The following SYNE1 variants were observed in gnomAD, a reference collection of about 807,000 sequenced individuals.
SYNE1 encodes the protein nesprin-1.
In SYNE1, 616 loss-of-function variants were observed where a neutral mutation model predicts 1,111.0. The observed-to-expected ratio is 0.55, with a 90% CI of 0.52 to 0.59. The LOEUF (loss-of-function observed/expected upper bound fraction) is 0.59, where lower values mean the gene tolerates loss of function less well. SYNE1 is among the 20% of genes least tolerant of loss of function. The pLI is 0.00. For synonymous variants in SYNE1, 3,855 were observed against 3,825.8 expected, an observed-to-expected ratio of 1.01 and a Z score of -0.28; for missense variants, 10,006 against 10,417.0, an observed-to-expected ratio of 0.96 and a Z score of 1.72.
At chr6:152,328,038 T>C (rs1322173075) in intron 78 of SYNE1, among the ~76,000 whole-genome samples, 1 of 152,170 alleles carries the variant, frequency 6.6e-6, no homozygotes, top group African/African-American at 2.4e-5. Flanking sequence ...CTGCAGAAAA[T>C]ATAGTTAAAT....
chr6:152,269,433 T>C (rs1381052547), intron 98 of SYNE1, 147 bp from the exon 99 acceptor site: 1 of 1,163,284 alleles, frequency 8.6e-7, no homozygotes, highest in African/African-American at 1.5e-5. Context: ...AAAAAAACAG[T>C]AACACAAAAC....
At chr6:152,166,076 A>C (rs573797326) in intron 130 of SYNE1, among the ~76,000 whole-genome samples, 54 of 152,188 alleles carry the variant, frequency 3.5e-4, no homozygotes, top group Non-Finnish European at 5.1e-4. Context: ...GTAGGATCTG[A>C]ACACTTACTA....
intron 58 of SYNE1, chr6:152,375,976 G>C (rs1354398420): frequency 1.1e-5 from 2 of 177,472 alleles, no homozygotes; most frequent in Non-Finnish European, 2.4e-5. Flanking sequence ...CTAGAGAAGC[G>C]GTCCCCAACC....
At chr6:152,373,011 G>A (rs761481963) in intron 59 of SYNE1, 26 bp downstream of exon 59, 13 of 1,603,144 alleles carry the variant, frequency 8.1e-6, no homozygotes, top group Non-Finnish European at 5.1e-6. Flanking sequence ...AACACAGAAT[G>A]CTTCCATGTG....
intron 130 of SYNE1, among the ~76,000 whole-genome samples, chr6:152,169,996 C>T (rs1042926268): frequency 6.6e-6 from 1 of 152,012 alleles, no homozygotes; most frequent in Non-Finnish European, 1.5e-5. Flanking sequence ...GAATCTACCA[C>T]TATAGGCAAC....
intron 4 of SYNE1, among the ~76,000 whole-genome samples, chr6:152,539,638 C>T (rs1054627928): frequency 3.3e-5 from 5 of 152,144 alleles, no homozygotes; most frequent in African/African-American, 1.2e-4. Flanking sequence ...CAAACACACA[C>T]AAACAAAAAT....
At chr6:152,423,039 T>C (rs561518751) in intron 39 of SYNE1, among the ~76,000 whole-genome samples, 2 of 152,338 alleles carry the variant, frequency 1.3e-5, no homozygotes, top group African/African-American at 2.4e-5. Flanking sequence ...CAGCTAGCCC[T>C]GCCTTTGTCC....
At chr6:152,259,123 C>T (rs2091499167) in intron 101 of SYNE1, among the ~76,000 whole-genome samples, 1 of 152,126 alleles carries the variant, frequency 6.6e-6, no homozygotes, top group Non-Finnish European at 1.5e-5. Flanking sequence ...ATGCCAAGCC[C>T]ATTCCCCATT....
Position 152,395,633 on chromosome 6 carries a change from T to C in SYNE1, c.7595A>G (p.His2532Arg). 5 of 1,614,190 alleles carry C rather than the reference T, an allele frequency of 3.1e-6. No individual in the cohort carries two copies. Among genetic ancestry groups the C allele is most frequent in the Non-Finnish European group, 4.2e-6 (5 of 1,180,024 alleles). Residue 2532 changes from histidine to arginine, a missense_variant, in exon 51 of 146, where the codon CAT becomes CGT. This residue lies in a region of SYNE1 where 4,955 missense variants were observed against 5,017.2 expected (regional missense o/e 0.99). Coordinates refer to ENST00000367255, the MANE Select transcript of SYNE1 (RefSeq NM_182961.4). ...CGTATTGAACCTTTCTTCCATTTCA[T>C]GGATCCATAAGTTCAGTTTTCTGTG... Reference protein sequence around the residue: ...DQHRKLNLWIHEMEERFNTEN... With the variant: ...DQHRKLNLWIREMEERFNTEN...
chr6:152,183,771 G>C (rs1287743225), intron 128 of SYNE1, among the ~76,000 whole-genome samples: 1 of 152,100 alleles, frequency 6.6e-6, no homozygotes, highest in East Asian at 1.9e-4. Context: ...ACTTTCATAG[G>C]TAAGTATTAT....
At chr6:152,353,849 G>A (rs2096785983) in intron 67 of SYNE1, 105 bp from the exon 68 acceptor site, 2 of 1,435,202 alleles carry the variant, frequency 1.4e-6, no homozygotes, top group African/African-American at 1.4e-5. Flanking sequence ...TTTAGAAGAT[G>A]TTTATTTTGA....
At position 152,624,287 on chromosome 6, in the gene SYNE1, A is replaced by T. The variant is rs552239528; in HGVS notation, c.67+3978T>A. Reference sequence around the variant, plus strand: ...TTGCGTTGATGTCACCCCATCCTACAATAACCAACACTGATATGTTCATTT... The same window carrying T: ...TTGCGTTGATGTCACCCCATCCTACTATAACCAACACTGATATGTTCATTT... On this transcript the variant is annotated intron_variant, in intron 3 of 145. Transcript: ENST00000367255. 2.5e-4 allele frequency among the ~76,000 whole-genome samples: 38 copies of T among 152,300 alleles called. No individual in the cohort carries two copies. The South Asian group carries it at 7.2e-3, about 29-fold the overall frequency.
At chr6:152,568,340 T>C (rs991403990) in intron 3 of SYNE1, among the ~76,000 whole-genome samples, 2 of 130,290 alleles carry the variant, frequency 1.5e-5, no homozygotes, top group Non-Finnish European at 3.1e-5. Context: ...GCTCTTTTGC[T>C]CAAGCTGGCT....
chr6:152,216,027 C>T (rs757162382), intron 121 of SYNE1, among the ~76,000 whole-genome samples: 5 of 152,254 alleles, frequency 3.3e-5, no homozygotes, highest in Non-Finnish European at 5.9e-5. Flanking sequence ...ACAATGTTGT[C>T]GGTTCTGATT....
At chr6:152,236,555 G>T (rs937236367) in intron 109 of SYNE1, among the ~76,000 whole-genome samples, 3 of 151,382 alleles carry the variant, frequency 2.0e-5, no homozygotes, top group African/African-American at 7.3e-5. Context: ...ATTATTTCAA[G>T]AATTGTGTGG....
chr6:152,280,805 G>T (rs1205023218), intron 97 of SYNE1, among the ~76,000 whole-genome samples: 1 of 152,112 alleles, frequency 6.6e-6, no homozygotes, highest in Admixed American at 6.6e-5. Context: ...CTTGCATATG[G>T]CTAATTAATC....
At chr6:152,258,115 G>A (rs1410773240) in intron 101 of SYNE1, among the ~76,000 whole-genome samples, 1 of 152,118 alleles carries the variant, frequency 6.6e-6, no homozygotes, top group East Asian at 1.9e-4. Context: ...GAGAAAAATA[G>A]ATATAAATAC....
At chr6:152,626,866 C>T (rs189363620) in intron 3 of SYNE1, among the ~76,000 whole-genome samples, 14 of 152,274 alleles carry the variant, frequency 9.2e-5, no homozygotes, top group East Asian at 1.9e-4. Context: ...GTCATGAATA[C>T]CCCGATTTAA....
intron 105 of SYNE1, among the ~76,000 whole-genome samples, chr6:152,245,906 C>T (rs1302304334): frequency 2.0e-5 from 3 of 152,146 alleles, no homozygotes; most frequent in Non-Finnish European, 4.4e-5. Flanking sequence ...GGGCACTGGA[C>T]ACAGCTGTGA....
Sources: gnomAD v4.1 joint callset for allele counts (sites outside exome capture counted in the v4.1 genomes callset) on GRCh38, gnomAD v4.1.1 for gene constraint, gnomAD v4.1.1 regional missense constraint, MANE v1.5 for transcripts, NCBI Gene and HGNC (gene_info 2026-07-23, HGNC 2026-07-21) for gene names.